SLCO3A1: variants seen among roughly 807,000 people sequenced by gnomAD.
The protein encoded by SLCO3A1 is solute carrier organic anion transporter family member 3A1, also known as PGE1 transporter.
Under a neutral mutation model 63.1 loss-of-function variants are expected in SLCO3A1, and 27 were observed. The observed-to-expected ratio is 0.43, with a 90% CI of 0.32 to 0.59. SLCO3A1 has a LOEUF of 0.59. Among genes scored for constraint, SLCO3A1 ranks in the 20% least tolerant of loss-of-function variants. SLCO3A1 has a pLI of 0.09. For synonymous variants in SLCO3A1, 473 were observed against 409.9 expected (o/e 1.15, Z -1.86); for missense variants, 773 against 945.8 (o/e 0.82, Z 2.40).
Position 92,164,935 on chromosome 15 carries a change from C to T in SLCO3A1, c.*1800C>T, listed in dbSNP as rs1200280965. 1 of 984,422 alleles carries T rather than the reference C, an allele frequency of 1.0e-6. No individual in the cohort carries two copies. The highest frequency in any genetic ancestry group is 1.2e-6 in the Non-Finnish European group (1 of 829,814). The allele number at this position is 984,422 out of a possible 1,614,324, so 61.0% of individuals were successfully genotyped here. On this transcript the variant is annotated 3_prime_UTR_variant, in exon 10 of 10. Transcript: ENST00000318445. ...CTGCTTCAGTGACCTTTGTTCATGTCACATTCCTGGCGCTGGAAAAAAAAC... is the reference window on the plus strand; with the variant it reads ...CTGCTTCAGTGACCTTTGTTCATGTTACATTCCTGGCGCTGGAAAAAAAAC...
chr15:91,990,004 T>C (rs554829031), intron 2 of SLCO3A1, among the ~76,000 whole-genome samples: 2 of 152,346 alleles, frequency 1.3e-5, no homozygotes, highest in East Asian at 3.9e-4. Flanking sequence ...CACTGTCAGA[T>C]GACCCATGAG....
At chr15:91,944,478 C>T (rs535413720) in intron 2 of SLCO3A1, among the ~76,000 whole-genome samples, 4 of 152,240 alleles carry the variant, frequency 2.6e-5, no homozygotes, top group African/African-American at 4.8e-5. Context: ...GCAGCTGCAG[C>T]GTGGGGCTCA....
Position 92,163,268 on chromosome 15 carries a change from G to C in SLCO3A1, c.*133G>C, listed in dbSNP as rs1166787234. On this transcript the variant is annotated 3_prime_UTR_variant, in exon 10 of 10. Coordinates refer to ENST00000318445, the MANE Select transcript of SLCO3A1 (RefSeq NM_013272.4). ...GCACAGATGCACACACACGCAGACA[G>C]ACACACCGACTTTGTCCTTTTTCTC... The C allele has an allele frequency of 2.2e-6, 3 of 1,346,492 alleles. No homozygotes were observed. In the Admixed American group the frequency reaches 9.3e-5, roughly 42 times the overall value. The allele number at this position is 1,346,492 out of a possible 1,614,324, so 83.4% of individuals were successfully genotyped here. A position where few individuals can be genotyped will look rare whatever the true frequency, so the allele number is the denominator to read the frequency against.
At chr15:92,020,493 G>A (rs1396818712) in intron 2 of SLCO3A1, among the ~76,000 whole-genome samples, 1 of 152,174 alleles carries the variant, frequency 6.6e-6, no homozygotes, top group Non-Finnish European at 1.5e-5. Context: ...CCAGGTTTTT[G>A]GGCTAACTAG....
At position 91,882,946 on chromosome 15, in the gene SLCO3A1, A is replaced by T. The variant is rs1251257618; in HGVS notation, c.180+28858A>T. Among the ~76,000 whole-genome samples the T allele has an allele frequency of 6.6e-6, 1 of 152,196 alleles. No individual in the cohort carries two copies. Among genetic ancestry groups the T allele is most frequent in the Non-Finnish European group, 1.5e-5 (1 of 68,038 alleles). On this transcript the variant is annotated intron_variant, in intron 1 of 9. Coordinates refer to ENST00000318445, the MANE Select transcript of SLCO3A1 (RefSeq NM_013272.4). The surrounding 1 kb of genome is among the most constrained non-coding windows in gnomAD (Gnocchi z 4.4). ...AGATGTAATATCACCTTGTTCTTTA[A>T]GAAGTTGGTTGGGCTGCTCTATTAA... is the stretch of plus-strand genomic sequence containing the variant.
chr15:92,006,482 G>A (rs1363031038), intron 2 of SLCO3A1, among the ~76,000 whole-genome samples: 2 of 152,166 alleles, frequency 1.3e-5, no homozygotes, highest in Admixed American at 1.3e-4. Flanking sequence ...GTCAATCTCT[G>A]TGAGTCTTTT....
chr15:92,082,252 A>C (rs1258219520), intron 2 of SLCO3A1, among the ~76,000 whole-genome samples: 1 of 152,240 alleles, frequency 6.6e-6, no homozygotes, highest in East Asian at 1.9e-4. Context: ...CATATGATGC[A>C]GAATGCTCCC....
At chr15:91,956,799 C>CT (rs1294059632) in intron 2 of SLCO3A1, among the ~76,000 whole-genome samples, 6 of 92,708 alleles carry the variant, frequency 6.5e-5, no homozygotes, top group South Asian at 4.0e-4. Context: ...TTTTTTTTTT[C>CT]TTTTTTTTGC....
intron 2 of SLCO3A1, among the ~76,000 whole-genome samples, chr15:92,038,225 G>T (rs1322184432): frequency 1.3e-5 from 2 of 152,180 alleles, no homozygotes; most frequent in Non-Finnish European, 2.9e-5. Flanking sequence ...AACCTTGCTG[G>T]TTGGCCAGGA....
chr15:92,150,038 T>TCTAA (rs1219040584), intron 8 of SLCO3A1, among the ~76,000 whole-genome samples: 2 of 152,116 alleles, frequency 1.3e-5, no homozygotes, highest in Non-Finnish European at 2.9e-5. Context: ...TGTACTGGTG[T>TCTAA]CTAACTCAAC....
At chr15:92,119,839 T>G (rs1045202052) in intron 4 of SLCO3A1, among the ~76,000 whole-genome samples, 1 of 152,128 alleles carries the variant, frequency 6.6e-6, no homozygotes, top group African/African-American at 2.4e-5. Flanking sequence ...AAGACCCCAG[T>G]TGGGTGGCTC....
intron 3 of SLCO3A1, among the ~76,000 whole-genome samples, chr15:92,097,724 C>T (rs2047557403): frequency 6.6e-6 from 1 of 151,948 alleles, no homozygotes; most frequent in African/African-American, 2.4e-5. Flanking sequence ...TGCGTCCTTC[C>T]CGGAGGCACC....
At chr15:92,147,272 G>A in intron 8 of SLCO3A1, 113 bp downstream of exon 8, 1 of 1,077,746 alleles carries the variant, frequency 9.3e-7, no homozygotes, top group Non-Finnish European at 1.3e-6. Context: ...GGTGAGCTAG[G>A]GCCACAGCAA....
intron 2 of SLCO3A1, among the ~76,000 whole-genome samples, chr15:91,952,322 C>T (rs1269360368): frequency 6.6e-6 from 1 of 152,216 alleles, no homozygotes; most frequent in Non-Finnish European, 1.5e-5. Flanking sequence ...CTTAAGTATA[C>T]ATTCAAACTA....
At chr15:91,926,592 T>C (rs1401529202) in intron 2 of SLCO3A1, among the ~76,000 whole-genome samples, 61 of 106,576 alleles carry the variant, frequency 5.7e-4, no homozygotes, top group African/African-American at 1.5e-3. Context: ...TGTGTGTGTG[T>C]GTGTGCGCGC....
chr15:92,018,165 G>T (rs1410224660), intron 2 of SLCO3A1, among the ~76,000 whole-genome samples: 1 of 152,228 alleles, frequency 6.6e-6, no homozygotes, highest in Non-Finnish European at 1.5e-5. Flanking sequence ...TTGGGGCGGT[G>T]ACGGGGCTGG....
intron 3 of SLCO3A1, among the ~76,000 whole-genome samples, chr15:92,096,532 A>G (rs1011234619): frequency 2.0e-5 from 3 of 152,204 alleles, no homozygotes; most frequent in Non-Finnish European, 4.4e-5. Context: ...AGCATGCAGC[A>G]AAGCCATATT....
intron 2 of SLCO3A1, among the ~76,000 whole-genome samples, chr15:91,943,014 T>G (rs1899676797): frequency 6.6e-6 from 1 of 152,238 alleles, no homozygotes; most frequent in African/African-American, 2.4e-5. Flanking sequence ...CCTTCTGTCC[T>G]TGTAATTAAT....
chr15:91,871,879 A>G (rs2151334712), intron 1 of SLCO3A1, among the ~76,000 whole-genome samples: 1 of 146,150 alleles, frequency 6.8e-6, no homozygotes, highest in Admixed American at 7.0e-5. Context: ...TACCATTTTA[A>G]CTGGGAAATG....
Sources: gnomAD v4.1 joint callset for allele counts (sites outside exome capture counted in the v4.1 genomes callset) on GRCh38, gnomAD v4.1.1 for gene constraint, Gnocchi (gnomAD v3.1) non-coding constraint, MANE v1.5 for transcripts, NCBI Gene and HGNC (gene_info 2026-07-23, HGNC 2026-07-21) for gene names.